The following GAS2 variants were observed in gnomAD, a reference collection of about 807,000 sequenced individuals.
The protein encoded by GAS2 is growth arrest specific 2, also known as growth arrest-specific protein 2.
A neutral mutation model predicts 37.5 loss-of-function variants in GAS2; 20 were observed. The ratio of observed to expected loss-of-function variants is 0.53; its 90% CI spans 0.37 to 0.77. The LOEUF is 0.77. Ranked by LOEUF, GAS2 falls within the 30% of genes least tolerant of loss-of-function variation. The probability of loss-of-function intolerance (pLI) is 0.00; values close to 1 mark genes in which losing one functional copy is unlikely to be tolerated. For missense variants in GAS2, 336 were observed against 373.4 expected, an observed-to-expected ratio of 0.90 and a Z score of 0.82; for synonymous variants, 144 against 132.2, an observed-to-expected ratio of 1.09 and a Z score of -0.61.
chr11:22,706,629 C>T (rs1224649063), intron 3 of GAS2, among the ~76,000 whole-genome samples: 2 of 152,048 alleles, frequency 1.3e-5, no homozygotes, highest in African/African-American at 4.8e-5. Context: ...ATGATGGTTT[C>T]CAATTTCATC....
At chr11:22,785,532 G>A (rs1169859641) in intron 7 of GAS2, among the ~76,000 whole-genome samples, 1 of 152,106 alleles carries the variant, frequency 6.6e-6, no homozygotes, top group Non-Finnish European at 1.5e-5. Flanking sequence ...TTGATTAAAG[G>A]ACTTTGCTGA....
Position 22,685,709 on chromosome 11 carries a change from A to G in GAS2, c.187A>G (p.Asn63Asp), listed in dbSNP as rs1393770088. 3 of 1,613,654 alleles carry G rather than the reference A, an allele frequency of 1.9e-6. No homozygotes were observed. Among genetic ancestry groups the G allele is most frequent in the Non-Finnish European group, 2.5e-6 (3 of 1,179,798 alleles). Residue 63 changes from asparagine to aspartate, a missense_variant, in exon 3 of 8, where the codon AAT becomes GAT. Transcript: ENST00000454584. The part of the protein sequence containing the change: ...TAETFMEKLD[N>D]GALLCQLAET... ...AGAAACTTTTATGGAGAAGTTGGACAATGGTGCCTTGCTCTGTCAACTTGC... is the reference window on the plus strand; with the variant it reads ...AGAAACTTTTATGGAGAAGTTGGACGATGGTGCCTTGCTCTGTCAACTTGC...
At chr11:22,788,031 A>G (rs973635014) in intron 7 of GAS2, among the ~76,000 whole-genome samples, 12 of 152,176 alleles carry the variant, frequency 7.9e-5, no homozygotes, top group African/African-American at 2.9e-4. Flanking sequence ...GTGCCTCTGC[A>G]ACATGAAATG....
chr11:22,698,735 A>G (rs1850673230), intron 3 of GAS2, among the ~76,000 whole-genome samples: 1 of 152,170 alleles, frequency 6.6e-6, no homozygotes, highest in East Asian at 1.9e-4. Flanking sequence ...CAATAAATGT[A>G]ATCCAGCATA....
chr11:22,811,305 C>T (rs1401281637), intron 7 of GAS2, among the ~76,000 whole-genome samples: 2 of 152,156 alleles, frequency 1.3e-5, no homozygotes, highest in African/African-American at 4.8e-5. Flanking sequence ...GGGAAAACTC[C>T]AATAATTTTT....
At chr11:22,717,693 G>A (rs898765045) in intron 3 of GAS2, among the ~76,000 whole-genome samples, 9 of 151,920 alleles carry the variant, frequency 5.9e-5, no homozygotes, top group African/African-American at 2.2e-4. Context: ...ACAACCCACA[G>A]TATGAGAGAA....
At chr11:22,679,198 T>C (rs1214862390) in intron 2 of GAS2, among the ~76,000 whole-genome samples, 1 of 152,102 alleles carries the variant, frequency 6.6e-6, no homozygotes, top group Non-Finnish European at 1.5e-5. Context: ...GCTGGCACCA[T>C]GGAGCAGTTT....
At chr11:22,630,873 T>C (rs1283382562) in intron 1 of GAS2, among the ~76,000 whole-genome samples, 2 of 152,346 alleles carry the variant, frequency 1.3e-5, no homozygotes, top group East Asian at 3.9e-4. Context: ...GTTCTAATTC[T>C]GTGAAAGATA....
chr11:22,642,108 A>G (rs539414681), intron 1 of GAS2, among the ~76,000 whole-genome samples: 39 of 152,170 alleles, frequency 2.6e-4, no homozygotes, highest in Non-Finnish European at 4.1e-4. Context: ...TTTGAAGCAC[A>G]AGAATGATAA....
At position 22,628,441 on chromosome 11, in the gene GAS2, C is replaced by T. The variant is rs115877182; in HGVS notation, c.-21+2628C>T. ...TGTGTGTACTGTGTGCCATGAATAC[C>T]AGGAACAATCTCCCTCCTCTTGGTT... On this transcript the variant is annotated intron_variant, in intron 1 of 5. Coordinates refer to the GAS2 transcript ENST00000528582. Among the ~76,000 whole-genome samples the T allele has an allele frequency of 9.0e-3, 1,377 of 152,158 alleles. 20 individuals carry two copies. Among genetic ancestry groups the T allele is most frequent in the African/African-American group, 0.031 (1,295 of 41,520 alleles).
At chr11:22,775,994 AG>A (rs1855238192) in intron 7 of GAS2, among the ~76,000 whole-genome samples, 1 of 152,234 alleles carries the variant, frequency 6.6e-6, no homozygotes, top group Admixed American at 6.5e-5. Context: ...TCTTTACATG[AG>A]TTCATTACAA....
intron 1 of GAS2, among the ~76,000 whole-genome samples, chr11:22,661,411 T>C (rs995497897): frequency 6.6e-6 from 1 of 152,202 alleles, no homozygotes; most frequent in African/African-American, 2.4e-5. Flanking sequence ...TAAGGATGAA[T>C]AGTCTAGTCC....
At chr11:22,714,712 A>G (rs1851576849) in intron 3 of GAS2, among the ~76,000 whole-genome samples, 1 of 152,202 alleles carries the variant, frequency 6.6e-6, no homozygotes, top group Non-Finnish European at 1.5e-5. Context: ...TCCAAATAGA[A>G]CCCTTAAAGC....
intron 1 of GAS2, among the ~76,000 whole-genome samples, chr11:22,630,654 A>G (rs1445288939): frequency 6.6e-6 from 1 of 152,214 alleles, no homozygotes; most frequent in East Asian, 1.9e-4. Flanking sequence ...GTCAAAGATC[A>G]GTTGATTGTA....
chr11:22,778,184 A>G (rs866853372), intron 7 of GAS2, among the ~76,000 whole-genome samples: 1 of 152,186 alleles, frequency 6.6e-6, no homozygotes, highest in Non-Finnish European at 1.5e-5. Context: ...TCTGCTGTCC[A>G]CTTGCTATAT....
intron 3 of GAS2, among the ~76,000 whole-genome samples, chr11:22,699,577 A>C (rs1850723145): frequency 6.6e-6 from 1 of 152,156 alleles, no homozygotes; most frequent in Non-Finnish European, 1.5e-5. Flanking sequence ...TGTTAGGGTG[A>C]ATAATTTCAG....
chr11:22,667,680 T>C (rs886757003), intron 1 of GAS2, among the ~76,000 whole-genome samples: 1 of 152,226 alleles, frequency 6.6e-6, no homozygotes, highest in Non-Finnish European at 1.5e-5. Context: ...TACCATTAAC[T>C]TAGCCCAGGT....
At chr11:22,799,246 T>C (rs1184431754) in intron 7 of GAS2, among the ~76,000 whole-genome samples, 1 of 152,040 alleles carries the variant, frequency 6.6e-6, no homozygotes, top group African/African-American at 2.4e-5. Flanking sequence ...TGGGGAATCA[T>C]TTAATGAGAC....
intron 3 of GAS2, among the ~76,000 whole-genome samples, chr11:22,725,384 C>T (rs1367704069): frequency 2.6e-5 from 4 of 152,002 alleles, no homozygotes; most frequent in South Asian, 2.1e-4. Context: ...TATATGCTAT[C>T]GCTATATCCT....
Sources: gnomAD v4.1 joint callset for allele counts (sites outside exome capture counted in the v4.1 genomes callset) on GRCh38, gnomAD v4.1.1 for gene constraint, MANE v1.5 for transcripts, NCBI Gene and HGNC (gene_info 2026-07-23, HGNC 2026-07-21) for gene names.